RNF213: variants seen among roughly 807,000 people sequenced by gnomAD.
RNF213 encodes ring finger protein 213.
A neutral mutation model predicts 514.4 loss-of-function variants in RNF213; 341 were observed. The observed-to-expected ratio is 0.66, with a 90% CI of 0.61 to 0.73. The LOEUF is 0.73. Among genes scored for constraint, RNF213 ranks in the 30% least tolerant of loss-of-function variants. RNF213 has a pLI of 0.00. For missense variants in RNF213, 5,767 were observed against 6,615.6 expected (o/e 0.87, Z 4.45); for synonymous variants, 2,655 against 2,658.2 (o/e 1.00, Z 0.04).
intron 36 of RNF213, chr17:80,355,249 C>A (rs528103993): frequency 2.2e-6 from 1 of 455,252 alleles, no homozygotes; most frequent in Non-Finnish European, 4.4e-6. Context: ...AGCTTCTGTG[C>A]CAGTGATAGG....
chr17:80,349,920 C>T lies in RNF213; in HGVS notation c.10088+14C>T, dbSNP rs375335327. Reference sequence around the variant, plus strand: ...CAAAGAAGTCCGGTGAGGTTCCCTGCCTTCCCTGCTGCCCTCTCCCTCCCC... The same window carrying T: ...CAAAGAAGTCCGGTGAGGTTCCCTGTCTTCCCTGCTGCCCTCTCCCTCCCC... On this transcript the variant is annotated intron_variant, in intron 30 of 67. Transcript: ENST00000582970. 1.1e-5 allele frequency: 17 copies of T among 1,612,614 alleles called. No homozygotes were observed. In the African/African-American group the frequency reaches 1.9e-4, roughly 18 times the overall value.
rs199649793 is a variant in RNF213, at chr17:80,386,989, C to G, written c.14922+98C>G. ...CGAGAGAGGGAAGCAGCACCTCACC[C>G]TGCAGTCTGGTCTGTATCTCCTCCC... On this transcript the variant is annotated intron_variant, in intron 63 of 67. Coordinates refer to ENST00000582970, the MANE Select transcript of RNF213 (RefSeq NM_001256071.3). 54 of 1,190,388 alleles carry G rather than the reference C, an allele frequency of 4.5e-5. No homozygotes were observed. The East Asian group carries it at 1.3e-3, about 29-fold the overall frequency. The allele number at this position is 1,190,388 out of a possible 1,614,324, so 73.7% of individuals were successfully genotyped here.
chr17:80,363,285 T>C lies in RNF213; in HGVS notation c.11539T>C (p.Trp3847Arg). 1 of 1,613,976 alleles carries C rather than the reference T, an allele frequency of 6.2e-7. No homozygotes were observed. Among genetic ancestry groups the C allele is most frequent in the Non-Finnish European group, 8.5e-7 (1 of 1,180,028 alleles). Residue 3847 changes from tryptophan to arginine, a missense_variant, in exon 40 of 68, where the codon TGG (tryptophan) becomes CGG (arginine). Trp to Arg is a moderately radical substitution (Grantham distance 101). Coordinates refer to ENST00000582970, the MANE Select transcript of RNF213 (RefSeq NM_001256071.3). ...TCTCCACAGCCTGATGGAAGCCCGT[T>C]GGAACCATGAGCTGGCTGGATGTGA... ...QVLHSLMEAR[W>R]NHELAGCEMT...
At chr17:80,355,507 G>A (rs1368388478) in intron 36 of RNF213, among the ~76,000 whole-genome samples, 1 of 93,636 alleles carries the variant, frequency 1.1e-5, no homozygotes, top group African/African-American at 3.9e-5. Context: ...CGGGGTGACC[G>A]GGAATGGGGG....
At chr17:80,279,495 C>T (rs998781051) in intron 3 of RNF213, among the ~76,000 whole-genome samples, 2 of 151,652 alleles carry the variant, frequency 1.3e-5, no homozygotes, top group African/African-American at 4.9e-5. Flanking sequence ...GACAGAGTCT[C>T]GCTCTGTCGC....
At chr17:80,325,271 C>T (rs2046250330) in intron 18 of RNF213, 73 bp downstream of exon 18, 2 of 1,408,756 alleles carry the variant, frequency 1.4e-6, no homozygotes, top group Non-Finnish European at 1.9e-6. Flanking sequence ...AGGTGGGAGG[C>T]AGAAGATTTG....
At position 80,337,610 on chromosome 17, in the gene RNF213, T is replaced by G; in HGVS notation, c.4552T>G (p.Trp1518Gly). ...GTGTGACTCCGCCAGGAACTTGGAA[T>G]GGCTGAAGACTGTGAATGAGAGTCA... ...KLCDSARNLEWLKTVNESHGS... is the reference protein window; with the variant it reads ...KLCDSARNLEGLKTVNESHGS... The change falls in exon 24 of 68, where the codon TGG (tryptophan) becomes GGG (glycine). Residue 1518 changes from tryptophan (W) to glycine (G), a missense_variant. Coordinates refer to ENST00000582970, the MANE Select transcript of RNF213 (RefSeq NM_001256071.3). 6.5e-7 allele frequency: 1 copy of G among 1,537,316 alleles called. No homozygotes were observed. The highest frequency in any genetic ancestry group is 8.7e-7 in the Non-Finnish European group (1 of 1,146,930).
chr17:80,389,830 C>T lies in RNF213; in HGVS notation c.15198C>T (p.Ala5066=). The T allele has an allele frequency of 1.2e-6, 2 of 1,613,854 alleles. No homozygotes were observed. Among genetic ancestry groups the T allele is most frequent in the African/African-American group, 1.3e-5 (1 of 75,042 alleles). Residue 5066 remains alanine (A), a splice_region_variant and synonymous_variant, in exon 66 of 68, where the codon GCC becomes GCT. Coordinates refer to ENST00000582970, the MANE Select transcript of RNF213 (RefSeq NM_001256071.3). ...CAGGAATTCTATTCCTTCTGCAGGC[C>T]TTAAACAGATGCCAGTTAAAACACA... is the stretch of plus-strand genomic sequence containing the variant. ...MGDQTIHVLK[A]LNRCQLKHTI...
chr17:80,386,521 C>T (rs2080242302), intron 62 of RNF213, 91 bp downstream of exon 62: 1 of 1,483,178 alleles, frequency 6.7e-7, no homozygotes, highest in Non-Finnish European at 9.4e-7. Context: ...CAGCCCCTTC[C>T]CTAACAGACA....
intron 1 of RNF213, among the ~76,000 whole-genome samples, chr17:80,261,887 C>T (rs1380202679): frequency 6.6e-6 from 1 of 152,184 alleles, no homozygotes; most frequent in Non-Finnish European, 1.5e-5. Flanking sequence ...TGTGGTGGCG[C>T]ATGCCTGTAA....
chr17:80,376,681 T>G, intron 52 of RNF213, 138 bp downstream of exon 52: 1 of 1,323,770 alleles, frequency 7.6e-7, no homozygotes, highest in Non-Finnish European at 1.1e-6. Context: ...CACCTGATTC[T>G]TGAGCACACA....
At chr17:80,301,228 A>C (rs142078156) in intron 11 of RNF213, among the ~76,000 whole-genome samples, 2 of 152,126 alleles carry the variant, frequency 1.3e-5, no homozygotes, top group Admixed American at 6.6e-5. Flanking sequence ...TCCTATGTCT[A>C]GAATGGTATT....
At chr17:80,341,703 A>G (rs2078159010) in intron 26 of RNF213, 1 of 152,168 alleles carries the variant, frequency 6.6e-6, no homozygotes, top group Admixed American at 6.5e-5. Context: ...ACGACACTGC[A>G]CTCCAGCCTA....
In RNF213 at chr17:80,360,390, GGAGT is replaced by G; in HGVS notation, c.11200+188_11200+191del. The G allele has an allele frequency of 1.3e-5, 9 of 699,294 alleles. No homozygotes were observed. The South Asian group carries it at 1.5e-4, about 12-fold the overall frequency. 43.3% of individuals were successfully genotyped at this position (699,294 alleles called of 1,614,324 possible). A position where few individuals can be genotyped will look rare whatever the true frequency, so the allele number is the denominator to read the frequency against. On this transcript the variant is annotated intron_variant, in intron 38 of 67. Coordinates refer to ENST00000582970, the MANE Select transcript of RNF213 (RefSeq NM_001256071.3). ...GCGTCATTTTAAAGTTTCTGCTGAA[GGAGT>G]GAGAGGCCCCGGCGGGACCAGAAAC... is the stretch of plus-strand genomic sequence containing the variant.
rs1287165847 is a variant in RNF213, at chr17:80,371,057, C to G, written c.12426-817C>G. 2.0e-5 allele frequency among the ~76,000 whole-genome samples: 3 copies of G among 152,068 alleles called. No homozygotes were observed. The East Asian group carries it at 5.8e-4, about 29-fold the overall frequency. On this transcript the variant is annotated intron_variant, in intron 46 of 67. Transcript: ENST00000582970. ...TACAAATGTGTCAACCTTTACAAGA[C>G]CTGCACAGCCCAGTGAACCAATATT...
chr17:80,389,623 C>T (rs141127877), intron 65 of RNF213, among the ~76,000 whole-genome samples: 116 of 152,270 alleles, frequency 7.6e-4, no homozygotes, highest in African/African-American at 2.6e-3. Flanking sequence ...CTGCAAACAG[C>T]GTGATGTGAG....
intron 15 of RNF213, among the ~76,000 whole-genome samples, chr17:80,313,818 A>ATGG (rs1180054816): frequency 5.3e-5 from 2 of 37,720 alleles, no homozygotes; most frequent in Non-Finnish European, 1.1e-4. Context: ...AATGGAGGTG[A>ATGG]TGGTGGTGGT....
At chr17:80,352,503 G>T (rs2078562525) in intron 32 of RNF213, 2 of 523,192 alleles carry the variant, frequency 3.8e-6, no homozygotes, top group South Asian at 3.1e-5. Context: ...CCAAGGAATG[G>T]TCACCAGCTA....
At position 80,369,542 on chromosome 17, in the gene RNF213, AAC is replaced by A. The variant is rs771630272; in HGVS notation, c.12198_12199del (p.Asn4066LysfsTer19). 1.5e-5 allele frequency: 24 copies of A among 1,614,048 alleles called. No homozygotes were observed. The highest frequency in any genetic ancestry group is 1.3e-5 in the African/African-American group (1 of 74,932). On this transcript the variant is annotated frameshift_variant, in exon 45 of 68. Transcript: ENST00000582970. LOFTEE classifies it high-confidence loss of function. ...GCATGCCCGCTTCCGGCAGATGTGC[AAC>A]AGTTTCTTCGTAGACCTGGTGTCCA... ...EKHARFRQMC[N>X]SFFVDLVSTI...
Sources: gnomAD v4.1 joint callset for allele counts (sites outside exome capture counted in the v4.1 genomes callset) on GRCh38, gnomAD v4.1.1 for gene constraint, MANE v1.5 for transcripts, NCBI Gene and HGNC (gene_info 2026-07-23, HGNC 2026-07-21) for gene names.